The following NHLRC3 variants were observed in gnomAD, a reference collection of about 807,000 sequenced individuals.
The protein encoded by NHLRC3 is NHL repeat containing 3.
In NHLRC3, 23 loss-of-function variants were observed where a neutral mutation model predicts 32.0. That is an observed-to-expected ratio of 0.72 (90% confidence interval 0.52 to 1.02). The LOEUF (loss-of-function observed/expected upper bound fraction) is 1.02. NHLRC3 is among the 50% of genes least tolerant of loss of function. NHLRC3 has a pLI of 0.00. For missense variants in NHLRC3, 407 were observed against 406.8 expected, an observed-to-expected ratio of 1.00 and a Z score of -0.01; for synonymous variants, 159 against 147.9, an observed-to-expected ratio of 1.08 and a Z score of -0.55.
In NHLRC3 at chr13:39,049,863, G is replaced by T. The variant is rs888551661; in HGVS notation, c.*1937G>T. The T allele has an allele frequency of 6.6e-6, 1 of 152,136 alleles. No homozygotes were observed. The highest frequency in any genetic ancestry group is 2.4e-5 in the African/African-American group (1 of 41,446). The allele number at this position is 152,136 out of a possible 1,614,324, so 9.4% of individuals were successfully genotyped here. On this transcript the variant is annotated 3_prime_UTR_variant, in exon 7 of 7. Transcript: ENST00000379600. ...TAAACCGATTTTGCCATTTCAAAAC[G>T]TTTTATTTTACTTTGTTTTATATCA...
In NHLRC3 at chr13:39,047,094, G is replaced by C; in HGVS notation, c.733G>C (p.Gly245Arg). The change falls in exon 6 of 7, where the codon GGG (glycine) becomes CGG (arginine). Residue 245 changes from glycine to arginine, a missense_variant. Coordinates refer to ENST00000379600, the MANE Select transcript of NHLRC3 (RefSeq NM_001012754.4). Reference sequence around the variant, plus strand: ...AATCCAAGTATTTGATAAAGACACTGGGGAGTGGTTAGGAGCATGGAATAA... The same window carrying C: ...AATCCAAGTATTTGATAAAGACACTCGGGAGTGGTTAGGAGCATGGAATAA... ...KRIQVFDKDTGEWLGAWNNCF... is the reference protein window; with the variant it reads ...KRIQVFDKDTREWLGAWNNCF... 6.2e-7 allele frequency: 1 copy of C among 1,613,254 alleles called. No homozygotes were observed. Among genetic ancestry groups the C allele is most frequent in the Non-Finnish European group, 8.5e-7 (1 of 1,179,462 alleles).
chr13:39,046,974 A>C (rs530173691), intron 5 of NHLRC3, 66 bp from the exon 6 acceptor site: 1 of 1,027,086 alleles, frequency 9.7e-7, no homozygotes, highest in East Asian at 2.4e-5. Context: ...TAATGAAAAT[A>C]AACATTCTTT....
rs1243200920 is a variant in NHLRC3 at position 39,039,545 on chromosome 13, A to AT, written c.238-13dup. The AT allele has an allele frequency of 1.3e-6, 2 of 1,596,950 alleles. No homozygotes were observed. The highest frequency in any genetic ancestry group is 1.3e-5 in the African/African-American group (1 of 74,500). ...TCCTTTAAGCTGATCCTAAGAAGTT[A>AT]TTTTTTGTATACCTTCAGAGAGGGG... is the stretch of plus-strand genomic sequence containing the variant. On this transcript the variant is annotated intron_variant, in intron 2 of 6. Coordinates refer to ENST00000379600, the MANE Select transcript of NHLRC3 (RefSeq NM_001012754.4).
At chr13:39,046,211 G>A (rs1593554068) in intron 5 of NHLRC3, among the ~76,000 whole-genome samples, 1 of 152,106 alleles carries the variant, frequency 6.6e-6, no homozygotes, top group Admixed American at 6.5e-5. Context: ...TCAGCTACTC[G>A]GAGAGGCTGA....
chr13:39,039,089 C>CT, intron 1 of NHLRC3, 47 bp from the exon 2 acceptor site: 4 of 427,122 alleles, frequency 9.4e-6, no homozygotes, highest in African/African-American at 3.0e-5. Flanking sequence ...TTTTTTTGTT[C>CT]TTACCTAGAC....
rs149514434 is a variant in NHLRC3, at chr13:39,038,632, G to T, written c.-8G>T. The T allele has an allele frequency of 8.7e-6, 14 of 1,613,842 alleles. No individual in the cohort carries two copies. The African/African-American group carries it at 1.6e-4, about 18-fold the overall frequency. Reference sequence around the variant, plus strand: ...CGGACCCTCCCTCTCCTGGCTTCCCGTCTGGTCATGGCGAGATTCTGGGTC... The same window carrying T: ...CGGACCCTCCCTCTCCTGGCTTCCCTTCTGGTCATGGCGAGATTCTGGGTC... On this transcript the variant is annotated 5_prime_UTR_variant, in exon 1 of 7. Coordinates refer to ENST00000379600, the MANE Select transcript of NHLRC3 (RefSeq NM_001012754.4).
intron 4 of NHLRC3, among the ~76,000 whole-genome samples, chr13:39,043,393 G>A (rs1871537502): frequency 6.6e-6 from 1 of 152,124 alleles, no homozygotes; most frequent in East Asian, 1.9e-4. Context: ...TCACTCTAAA[G>A]GTCCTGCCTT....
At chr13:39,045,412 TGGG>T (rs1871630780) in intron 5 of NHLRC3, among the ~76,000 whole-genome samples, 1 of 152,206 alleles carries the variant, frequency 6.6e-6, no homozygotes, top group Non-Finnish European at 1.5e-5. Flanking sequence ...AATCATCTGA[TGGG>T]GGTACTCTGG....
intron 2 of NHLRC3, 122 bp from the exon 3 acceptor site, chr13:39,039,442 A>T (rs41286945): frequency 0.041 from 45,629 of 1,114,068 alleles, 1,371 homozygotes; most frequent in South Asian, 0.1. Context: ...AATGTGAAAG[A>T]TATGTTAGAT....
intron 4 of NHLRC3, 68 bp downstream of exon 4, chr13:39,042,373 T>G: frequency 9.8e-7 from 1 of 1,015,728 alleles, no homozygotes; most frequent in Non-Finnish European, 1.5e-6. Flanking sequence ...ATATTTGGTA[T>G]AATGTTTTAA....
chr13:39,044,828 A>G (rs956746842), intron 5 of NHLRC3, among the ~76,000 whole-genome samples: 2 of 152,202 alleles, frequency 1.3e-5, no homozygotes, highest in Admixed American at 1.3e-4. Context: ...CGCCACCAAA[A>G]AATTTGTATA....
At chr13:39,040,924 T>C (rs1342791811) in intron 3 of NHLRC3, 4 of 152,218 alleles carry the variant, frequency 2.6e-5, no homozygotes, top group Non-Finnish European at 5.9e-5. Context: ...AGTCTATAGA[T>C]TATCACTGAG....
Position 39,038,543 on chromosome 13 carries a change from A to C in NHLRC3, c.-97A>C. The C allele has an allele frequency of 9.8e-7, 1 of 1,015,462 alleles. No individual in the cohort carries two copies. The highest frequency in any genetic ancestry group is 1.6e-6 in the Non-Finnish European group (1 of 637,618). The allele number at this position is 1,015,462 out of a possible 1,614,324, so 62.9% of individuals were successfully genotyped here. On this transcript the variant is annotated 5_prime_UTR_variant, in exon 1 of 7. Coordinates refer to ENST00000379600, the MANE Select transcript of NHLRC3 (RefSeq NM_001012754.4). ...GAGATAGGGTCTTCGGGCCCCGGGC[A>C]GACCCTCTGTGCCGCTGCAAACCGT...
chr13:39,040,697 C>G (rs1163339201), intron 3 of NHLRC3: 1 of 152,138 alleles, frequency 6.6e-6, no homozygotes, highest in Non-Finnish European at 1.5e-5. Flanking sequence ...TTCTAGTATT[C>G]CTTGGCCCAG....
Position 39,049,138 on chromosome 13 carries a change from T to G in NHLRC3, c.*1212T>G, listed in dbSNP as rs1871809505. The G allele has an allele frequency of 6.6e-6, 1 of 152,568 alleles. No homozygotes were observed. Among genetic ancestry groups the G allele is most frequent in the South Asian group, 2.1e-4 (1 of 4,836 alleles). 9.5% of individuals were successfully genotyped at this position (152,568 alleles called of 1,614,324 possible). A position where few individuals can be genotyped will look rare whatever the true frequency, so the allele number is the denominator to read the frequency against. On this transcript the variant is annotated 3_prime_UTR_variant, in exon 7 of 7. Coordinates refer to ENST00000379600, the MANE Select transcript of NHLRC3 (RefSeq NM_001012754.4). The stretch of plus-strand genomic sequence containing the variant: ...AATCTTTCAAATCATTCTTCACCCT[T>G]CCTCACATCAGCTTCCTGCTTTTCC...
Position 39,047,786 on chromosome 13 carries a change from A to G in NHLRC3, c.904A>G (p.Ile302Val), listed in dbSNP as rs145181998. 46 of 1,614,040 alleles carry G rather than the reference A, an allele frequency of 2.8e-5. No homozygotes were observed. The South Asian group carries it at 4.4e-4, about 15-fold the overall frequency. ...SIGECSVIST[I>V]QLADQVLPHL... ...TGGGGAGTGTTCTGTGATCAGCACA[A>G]TCCAACTAGCAGATCAAGTTTTGCC... Residue 302 changes from isoleucine to valine, a missense_variant, in exon 7 of 7, where the codon ATC becomes GTC. Coordinates refer to ENST00000379600, the MANE Select transcript of NHLRC3 (RefSeq NM_001012754.4).
Position 39,047,073 on chromosome 13 carries a change from C to G in NHLRC3, c.712C>G (p.Gln238Glu), listed in dbSNP as rs750386082. The change falls in exon 6 of 7, where the codon CAA (glutamine) becomes GAA (glutamate). Residue 238 changes from glutamine (Q) to glutamate (E), a missense_variant. Coordinates refer to ENST00000379600, the MANE Select transcript of NHLRC3 (RefSeq NM_001012754.4). ...WVADRGNKRI[Q>E]VFDKDTGEWL... ...TGCTGACCGAGGAAATAAAAGAATC[C>G]AAGTATTTGATAAAGACACTGGGGA... 3.1e-6 allele frequency: 5 copies of G among 1,612,514 alleles called. No individual in the cohort carries two copies. Among genetic ancestry groups the G allele is most frequent in the Non-Finnish European group, 4.2e-6 (5 of 1,179,102 alleles).
chr13:39,046,125 C>T (rs889739808), intron 5 of NHLRC3, among the ~76,000 whole-genome samples: 2 of 152,022 alleles, frequency 1.3e-5, no homozygotes, highest in South Asian at 2.1e-4. Context: ...GTCAGGAGAT[C>T]GAGACCATGG....
At position 39,047,937 on chromosome 13, in the gene NHLRC3, C is replaced by T. The variant is rs1318572248; in HGVS notation, c.*11C>T. The T allele has an allele frequency of 3.8e-6, 6 of 1,581,608 alleles. No homozygotes were observed. The African/African-American group carries it at 8.1e-5, about 21-fold the overall frequency. ...TCATTTGGTTCATAATGTTTCTTTC[C>T]TGGGAATATTTCAAGTGGCAGTTCA... On this transcript the variant is annotated 3_prime_UTR_variant, in exon 7 of 7. Transcript: ENST00000379600.
Sources: allele counts gnomAD v4.1 joint callset (sites outside exome capture counted in the v4.1 genomes callset), GRCh38; gene constraint gnomAD v4.1.1; transcripts MANE v1.5; gene names NCBI Gene and HGNC (gene_info 2026-07-23, HGNC 2026-07-21).